Variants in DPYD observed in about 807,000 individuals in gnomAD.
DPYD encodes dihydropyrimidine dehydrogenase, also known as dihydropyrimidine dehydrogenase [NADP(+)].
A neutral mutation model predicts 116.2 loss-of-function variants in DPYD; 109 were observed. The ratio of observed to expected loss-of-function variants is 0.94; its 90% CI spans 0.80 to 1.10. DPYD has a LOEUF of 1.10. Ranked by LOEUF, DPYD falls within the 50% of genes least tolerant of loss-of-function variation. The probability of loss-of-function intolerance (pLI) is 0.00; values close to 1 mark genes in which losing one functional copy is unlikely to be tolerated. For synonymous variants in DPYD, 440 were observed against 432.0 expected, an observed-to-expected ratio of 1.02 and a Z score of -0.23; for missense variants, 1,302 against 1,254.5, an observed-to-expected ratio of 1.04 and a Z score of -0.57.
At chr1:97,124,279 G>A (rs1652667608) in intron 20 of DPYD, among the ~76,000 whole-genome samples, 1 of 151,984 alleles carries the variant, frequency 6.6e-6, no homozygotes, top group Non-Finnish European at 1.5e-5. Context: ...TGACCAGACA[G>A]ATTTTAGTCC....
chr1:97,524,127 G>A (rs1050779076), intron 12 of DPYD, among the ~76,000 whole-genome samples: 2 of 152,084 alleles, frequency 1.3e-5, no homozygotes, highest in Non-Finnish European at 2.9e-5. Flanking sequence ...GCTCTGTAAC[G>A]GGGAGAAACC....
At position 97,643,705 on chromosome 1, in the gene DPYD, T is replaced by G. The variant is rs1263831398; in HGVS notation, c.850+35390A>C. Reference sequence around the variant, plus strand: ...ACCCAAATGGCCATCAATGATAGACTGGATAAAGAAAATGTGGCACATATA... The same window carrying G: ...ACCCAAATGGCCATCAATGATAGACGGGATAAAGAAAATGTGGCACATATA... On this transcript the variant is annotated intron_variant, in intron 8 of 22. Coordinates refer to ENST00000370192, the MANE Select transcript of DPYD (RefSeq NM_000110.4). Among the ~76,000 whole-genome samples, 12 of 152,092 alleles carry G rather than the reference T, an allele frequency of 7.9e-5. 1 individual carries two copies. The highest frequency in any genetic ancestry group is 1.8e-4 in the Non-Finnish European group (12 of 68,016).
At chr1:97,856,294 A>AT (rs760792012) in intron 2 of DPYD, 2 of 152,188 alleles carry the variant, frequency 1.3e-5, no homozygotes, top group African/African-American at 2.4e-5. Context: ...AAAATATCCT[A>AT]TTTAGACTGT....
chr1:97,849,495 C>T (rs1265497332), intron 2 of DPYD, among the ~76,000 whole-genome samples: 1 of 151,802 alleles, frequency 6.6e-6, no homozygotes, highest in African/African-American at 2.4e-5. Flanking sequence ...GCCATTTCTA[C>T]ATTCATTTTT....
chr1:97,559,556 G>C (rs1328904042), intron 11 of DPYD, among the ~76,000 whole-genome samples: 1 of 151,924 alleles, frequency 6.6e-6, no homozygotes, highest in Non-Finnish European at 1.5e-5. Flanking sequence ...CAGTTTAATG[G>C]TTTTTATGTT....
chr1:97,397,533 AC>A (rs1673083258), intron 14 of DPYD, among the ~76,000 whole-genome samples: 1 of 151,682 alleles, frequency 6.6e-6, no homozygotes, highest in Non-Finnish European at 1.5e-5. Flanking sequence ...TCCTCACCCC[AC>A]CCAACCCTCC....
chr1:97,859,494 G>T (rs1671011144), intron 2 of DPYD, among the ~76,000 whole-genome samples: 1 of 152,150 alleles, frequency 6.6e-6, no homozygotes, highest in South Asian at 2.1e-4. Context: ...AGAACGCTAA[G>T]TGAAAATGCT....
At chr1:97,173,181 CAT>C (rs906485959) in intron 20 of DPYD, among the ~76,000 whole-genome samples, 77 of 149,738 alleles carry the variant, frequency 5.1e-4, no homozygotes, top group East Asian at 4.5e-3. Context: ...CACATGTATA[CAT>C]ATATATGTGT....
At chr1:97,114,949 T>C (rs1651861644) in intron 20 of DPYD, among the ~76,000 whole-genome samples, 1 of 152,200 alleles carries the variant, frequency 6.6e-6, no homozygotes, top group African/African-American at 2.4e-5. Context: ...GTGAGACTTA[T>C]CCTTCTGATC....
intron 1 of DPYD, among the ~76,000 whole-genome samples, chr1:97,891,909 T>C (rs1246701201): frequency 1.3e-5 from 2 of 151,928 alleles, no homozygotes; most frequent in East Asian, 3.9e-4. Context: ...ATACTGGTAA[T>C]TACTTGCTAT....
chr1:97,358,934 A>G lies in DPYD; in HGVS notation c.2058+14627T>C, dbSNP rs139797074. Among the ~76,000 whole-genome samples the G allele has an allele frequency of 1.2e-4, 19 of 152,346 alleles. No homozygotes were observed. In the East Asian group the frequency reaches 3.5e-3, roughly 28 times the overall value. ...AAAGGATCACAGCTCCTCGGCAGCAACAGAAAAAAGCTGGATGGAGAATGA... is the reference window on the plus strand; with the variant it reads ...AAAGGATCACAGCTCCTCGGCAGCAGCAGAAAAAAGCTGGATGGAGAATGA... On this transcript the variant is annotated intron_variant, in intron 16 of 22. Transcript: ENST00000370192.
At chr1:97,399,609 C>G (rs1363252966) in intron 14 of DPYD, among the ~76,000 whole-genome samples, 3 of 152,032 alleles carry the variant, frequency 2.0e-5, no homozygotes, top group Non-Finnish European at 2.9e-5. Context: ...TTGTTTGTAT[C>G]CTCTTTTATT....
intron 8 of DPYD, among the ~76,000 whole-genome samples, chr1:97,639,502 G>GA (rs548299375): frequency 4.6e-5 from 7 of 150,920 alleles, no homozygotes; most frequent in African/African-American, 9.7e-5. Context: ...ATAAATTTTG[G>GA]AAAAAAAATG....
chr1:97,551,695 C>T (rs1651333221), intron 11 of DPYD, among the ~76,000 whole-genome samples: 1 of 151,942 alleles, frequency 6.6e-6, no homozygotes, highest in Non-Finnish European at 1.5e-5. Flanking sequence ...AGGAATAATT[C>T]CTTAGTTATC....
At chr1:97,360,836 C>T (rs1004714958) in intron 16 of DPYD, among the ~76,000 whole-genome samples, 5 of 152,148 alleles carry the variant, frequency 3.3e-5, no homozygotes, top group Admixed American at 3.3e-4. Flanking sequence ...GCACTAAATG[C>T]CCACAAGAGA....
At chr1:97,225,877 G>T (rs991226479) in intron 19 of DPYD, among the ~76,000 whole-genome samples, 1 of 151,670 alleles carries the variant, frequency 6.6e-6, no homozygotes, top group African/African-American at 2.4e-5. Flanking sequence ...AATTCATTTT[G>T]AGTTTGAGTT....
At chr1:97,738,064 A>G (rs1664061338) in intron 4 of DPYD, among the ~76,000 whole-genome samples, 1 of 152,158 alleles carries the variant, frequency 6.6e-6, no homozygotes. Context: ...GATGGCTTAC[A>G]CTTTAAAAGT....
At chr1:97,216,775 A>G (rs60584950) in intron 19 of DPYD, among the ~76,000 whole-genome samples, 2,068 of 152,242 alleles carry the variant, frequency 0.014, 39 homozygotes, top group African/African-American at 0.041. Context: ...AGCCTGGGTG[A>G]CAGAGCGACA....
At chr1:97,470,736 G>A (rs1227742617) in intron 13 of DPYD, among the ~76,000 whole-genome samples, 1 of 152,154 alleles carries the variant, frequency 6.6e-6, no homozygotes, top group East Asian at 1.9e-4. Context: ...AGTGGCTCAT[G>A]CCTATAATCC....
Sources: gnomAD v4.1 joint callset for allele counts (sites outside exome capture counted in the v4.1 genomes callset) on GRCh38, gnomAD v4.1.1 for gene constraint, MANE v1.5 for transcripts, NCBI Gene and HGNC (gene_info 2026-07-23, HGNC 2026-07-21) for gene names.